The following CTPS2 variants were observed in gnomAD, a reference collection of about 807,000 sequenced individuals.
The protein encoded by CTPS2 is CTP synthase II.
A neutral mutation model predicts 46.8 loss-of-function variants in CTPS2; 19 were observed. The ratio of observed to expected loss-of-function variants is 0.41; its 90% CI spans 0.28 to 0.60. The LOEUF is 0.60. CTPS2 is among the 20% of genes least tolerant of loss of function. CTPS2 has a pLI of 0.35. For synonymous variants in CTPS2, 151 were observed against 165.2 expected, an observed-to-expected ratio of 0.91 and a Z score of 0.66; for missense variants, 286 against 447.6, an observed-to-expected ratio of 0.64 and a Z score of 3.26.
chrX:16,709,427 C>CA (rs776924145), intron 1 of CTPS2, among the ~76,000 whole-genome samples: 440 of 54,076 alleles, frequency 8.1e-3, no homozygotes, highest in Middle Eastern at 0.025. Context: ...AACCGTGTCT[C>CA]AAAAAAAAAA....
chrX:16,703,331 AT>A (rs755272843), intron 1 of CTPS2, among the ~76,000 whole-genome samples: 337 of 97,894 alleles, frequency 3.4e-3, no homozygotes, highest in Middle Eastern at 0.01. Flanking sequence ...CTAGCTCAGA[AT>A]TTTTTTTTTT....
chrX:16,589,910 C>T (rs1432277859), intron 18 of CTPS2, 135 bp from the exon 19 acceptor site: 1 of 112,581 alleles, frequency 8.9e-6, no homozygotes, highest in African/African-American at 3.2e-5. Context: ...ACTAAATAGA[C>T]ACAGCTTTGC....
intron 13 of CTPS2, among the ~76,000 whole-genome samples, chrX:16,649,985 G>A (rs1377003448): frequency 1.8e-5 from 2 of 111,787 alleles, no homozygotes; most frequent in East Asian, 2.8e-4. Context: ...AGCAACTGTC[G>A]AGATGGACCT....
chrX:16,594,870 G>A (rs1020278504), intron 17 of CTPS2, among the ~76,000 whole-genome samples: 6 of 112,528 alleles, frequency 5.3e-5, no homozygotes, highest in East Asian at 2.8e-4. Context: ...CAAAATATAC[G>A]TTACTGCTGA....
At chrX:16,598,679 A>G (rs1929447641) in intron 17 of CTPS2, among the ~76,000 whole-genome samples, 1 of 111,726 alleles carries the variant, frequency 9.0e-6, no homozygotes, top group Admixed American at 9.5e-5. Flanking sequence ...ATCAATAGAA[A>G]AAGAGGGAAT....
At chrX:16,664,780 T>C (rs1858661738) in intron 13 of CTPS2, among the ~76,000 whole-genome samples, 1 of 111,581 alleles carries the variant, frequency 9.0e-6, no homozygotes, top group African/African-American at 3.3e-5. Flanking sequence ...GGAGGTACTT[T>C]TAGTGTCACA....
chrX:16,614,010 T>C (rs1343342599), intron 16 of CTPS2, among the ~76,000 whole-genome samples: 1 of 111,217 alleles, frequency 9.0e-6, no homozygotes, highest in African/African-American at 3.3e-5. Flanking sequence ...AACAGGGGTG[T>C]CCAATCTTTT....
At chrX:16,641,395 G>A (rs1932073998) in intron 13 of CTPS2, among the ~76,000 whole-genome samples, 1 of 112,364 alleles carries the variant, frequency 8.9e-6, no homozygotes, top group African/African-American at 3.2e-5. Flanking sequence ...TTACTGGCAA[G>A]GTTGGTATTC....
At chrX:16,648,053 T>C in intron 13 of CTPS2, among the ~76,000 whole-genome samples, 1 of 111,690 alleles carries the variant, frequency 9.0e-6, no homozygotes, top group Non-Finnish European at 1.9e-5. Context: ...CAGTGAGCTG[T>C]GTTCACGCCA....
At chrX:16,628,230 TC>T (rs1362451894) in intron 14 of CTPS2, among the ~76,000 whole-genome samples, 2 of 111,734 alleles carry the variant, frequency 1.8e-5, no homozygotes, top group Non-Finnish European at 3.8e-5. Context: ...TCTAAACTCC[TC>T]CCCCTTCCCT....
chrX:16,650,367 T>C (rs1602198296), intron 13 of CTPS2, among the ~76,000 whole-genome samples: 1 of 111,291 alleles, frequency 9.0e-6, no homozygotes, highest in African/African-American at 3.3e-5. Flanking sequence ...CAAGTATTCT[T>C]CAAGACCACA....
rs776849553 is a variant in CTPS2 at position 16,689,500 on chromosome X, G to A, written c.822C>T (p.Ile274=). 2.5e-5 allele frequency: 30 copies of A among 1,208,818 alleles called. No individual in the cohort carries two copies. Among genetic ancestry groups the A allele is most frequent in the Non-Finnish European group, 3.1e-5 (28 of 894,521 alleles). The change falls in exon 8 of 19, where the codon ATC becomes ATT. Residue 274 remains isoleucine, a synonymous_variant. Coordinates refer to ENST00000359276, the MANE Select transcript of CTPS2 (RefSeq NM_175859.3). ...KYFKERLHLP[I]GDSASNLLFK... is the part of the protein sequence containing the mutation. Reference sequence around the variant, plus strand: ...AAAGCAAATTACTTGCAGAATCACCGATGGGCAGGTGCAATCTCTCCTTAA... The same window carrying A: ...AAAGCAAATTACTTGCAGAATCACCAATGGGCAGGTGCAATCTCTCCTTAA...
intron 1 of CTPS2, among the ~76,000 whole-genome samples, chrX:16,706,635 T>C (rs910084447): frequency 2.4e-4 from 26 of 109,413 alleles, no homozygotes; most frequent in Non-Finnish European, 4.6e-4. Context: ...CCAAGGCGGG[T>C]GGATCACCTG....
chrX:16,632,811 AAG>A (rs1931548469), intron 14 of CTPS2, among the ~76,000 whole-genome samples: 1 of 111,210 alleles, frequency 9.0e-6, no homozygotes, highest in African/African-American at 3.3e-5. Flanking sequence ...ATAACGTGGG[AAG>A]AGTGTCCAAG....
At chrX:16,629,257 C>T (rs1396196876) in intron 14 of CTPS2, among the ~76,000 whole-genome samples, 1 of 112,550 alleles carries the variant, frequency 8.9e-6, no homozygotes, top group Non-Finnish European at 1.9e-5. Context: ...GACCTATGAA[C>T]CTCCATATTA....
At chrX:16,661,771 C>T (rs892472306) in intron 13 of CTPS2, among the ~76,000 whole-genome samples, 7 of 111,078 alleles carry the variant, frequency 6.3e-5, no homozygotes, top group Non-Finnish European at 7.5e-5. Flanking sequence ...ATTTGCATCT[C>T]GTTAAAATGC....
chrX:16,692,281 AACACACACAC>A (rs776817822), intron 6 of CTPS2, among the ~76,000 whole-genome samples: 21 of 106,079 alleles, frequency 2.0e-4, no homozygotes, highest in Non-Finnish European at 3.7e-4. Flanking sequence ...TGTCTCTACA[AACACACACAC>A]ACACACACAC....
intron 14 of CTPS2, among the ~76,000 whole-genome samples, chrX:16,626,081 C>T (rs1260108025): frequency 9.0e-6 from 1 of 111,133 alleles, no homozygotes; most frequent in Non-Finnish European, 1.9e-5. Context: ...TAGTCAAACC[C>T]AAAGAGGCAG....
At chrX:16,665,346 G>A (rs959235365) in intron 13 of CTPS2, among the ~76,000 whole-genome samples, 2 of 112,546 alleles carry the variant, frequency 1.8e-5, no homozygotes, top group African/African-American at 6.5e-5. Context: ...AGCAGCGTTA[G>A]TCACAATGCC....
Sources: gnomAD v4.1 joint callset for allele counts (sites outside exome capture counted in the v4.1 genomes callset) on GRCh38, gnomAD v4.1.1 for gene constraint, MANE v1.5 for transcripts, NCBI Gene and HGNC (gene_info 2026-07-23, HGNC 2026-07-21) for gene names.